SPATA31D4: variants seen among roughly 807,000 people sequenced by gnomAD.
SPATA31D4 encodes the protein SPATA31 subfamily D member 4, also known as spermatogenesis-associated protein 31D4.
For synonymous variants in SPATA31D4, 23 were observed against 102.8 expected (o/e 0.22, Z 4.70); for missense variants, 73 against 279.1 (o/e 0.26, Z 5.26).
Position 81,933,501 on chromosome 9 carries a change from C to T in SPATA31D4, c.*586C>T. On this transcript the variant is annotated 3_prime_UTR_variant, in exon 4 of 4. Coordinates refer to ENST00000419782, the MANE Select transcript of SPATA31D4 (RefSeq NM_001145197.1). ...GTCAGTCAGAAACAGACTGTACTTG[C>T]CAGTAGATGCAGTGCAGAGCTGCCC... is the stretch of plus-strand genomic sequence containing the variant. 4.2e-5 allele frequency: 3 copies of T among 71,582 alleles called. No individual in the cohort carries two copies. The highest frequency in any genetic ancestry group is 2.4e-5 in the Non-Finnish European group (1 of 41,910). 4.4% of individuals were successfully genotyped at this position (71,582 alleles called of 1,614,324 possible).
Position 81,932,797 on chromosome 9 carries a change from A to T in SPATA31D4, c.2636A>T (p.Glu879Val), listed in dbSNP as rs766403798. Residue 879 changes from glutamate to valine, a missense_variant, in exon 4 of 4, where the codon GAG (glutamate) becomes GTG (valine). Glu to Val is a moderately radical substitution (Grantham distance 121, BLOSUM62 -2). Transcript: ENST00000419782. ...KHRNLAALVSEDHGVDTSQEM... is the reference protein window; with the variant it reads ...KHRNLAALVSVDHGVDTSQEM... ...CGAAATTTGGCAGCATTGGTGAGTG[A>T]GGACCACGGCGTTGATACCTCCCAG... The T allele has an allele frequency of 1.3e-6, 2 of 1,533,366 alleles. No homozygotes were observed. The highest frequency in any genetic ancestry group is 2.3e-5 in the East Asian group (1 of 44,084). 95.0% of individuals were successfully genotyped at this position (1,533,366 alleles called of 1,614,324 possible).
At position 81,933,088 on chromosome 9, in the gene SPATA31D4, A is replaced by G. The variant is rs1328357500; in HGVS notation, c.*173A>G. 2.4e-5 allele frequency: 35 copies of G among 1,445,712 alleles called. 2 individuals carry two copies. The highest frequency in any genetic ancestry group is 3.3e-5 in the Non-Finnish European group (34 of 1,037,442). The allele number at this position is 1,445,712 out of a possible 1,614,324, so 89.6% of individuals were successfully genotyped here. ...AGTCTCATAGACGAAGCACTTTTCA[A>G]GGAGAAAAGTTGGGAACAACAAGCT... On this transcript the variant is annotated 3_prime_UTR_variant, in exon 4 of 4. Transcript: ENST00000419782.
Position 81,932,704 on chromosome 9 carries a change from A to T in SPATA31D4, c.2543A>T (p.His848Leu). ...GAGGGTCGAATGCCTGGGACTGTGC[A>T]TAGTTCATGGCACTCAGTCAAGCAG... ...INEGRMPGTV[H>L]SSWHSVKQTI... The change falls in exon 4 of 4, where the codon CAT (histidine) becomes CTT (leucine). Residue 848 changes from histidine (H) to leucine (L), a missense_variant. Transcript: ENST00000419782. The T allele has an allele frequency of 6.6e-7, 1 of 1,520,034 alleles. No individual in the cohort carries two copies. Among genetic ancestry groups the T allele is most frequent in the Non-Finnish European group, 9.0e-7 (1 of 1,110,934 alleles). The allele number at this position is 1,520,034 out of a possible 1,614,324, so 94.2% of individuals were successfully genotyped here.
Position 81,932,855 on chromosome 9 carries a change from G to T in SPATA31D4, c.2694G>T (p.Lys898Asn), listed in dbSNP as rs531529249. The change falls in exon 4 of 4, where the codon AAG (lysine) becomes AAT (asparagine). Residue 898 changes from lysine (K) to asparagine (N), a missense_variant. By Grantham distance (94) the Lys-to-Asn change is moderately conservative. Coordinates refer to ENST00000419782, the MANE Select transcript of SPATA31D4 (RefSeq NM_001145197.1). ...CCTTCCTTAGTTCCAACAAACAAAA[G>T]ATGTTGGAAGCCCATATTAAATCTT... is the stretch of plus-strand genomic sequence containing the variant. ...EMSFLSSNKQ[K>N]MLEAHIKSFH... The T allele has an allele frequency of 4.6e-6, 7 of 1,509,934 alleles. No homozygotes were observed. In the African/African-American group the frequency reaches 9.9e-5, roughly 21 times the overall value. The allele number at this position is 1,509,934 out of a possible 1,614,324, so 93.5% of individuals were successfully genotyped here. A position where few individuals can be genotyped will look rare whatever the true frequency, so the allele number is the denominator to read the frequency against.
In SPATA31D4 at chr9:81,932,856, A is replaced by T. The variant is rs549661658; in HGVS notation, c.2695A>T (p.Met899Leu). 1.8e-4 allele frequency: 268 copies of T among 1,510,386 alleles called. 26 individuals are homozygous for T. The East Asian group carries it at 6.2e-3, about 35-fold the overall frequency. The allele number at this position is 1,510,386 out of a possible 1,614,324, so 93.6% of individuals were successfully genotyped here. The change falls in exon 4 of 4, where the codon ATG becomes TTG. Residue 899 changes from methionine to leucine, a missense_variant. Transcript: ENST00000419782. The stretch of plus-strand genomic sequence containing the variant: ...CTTCCTTAGTTCCAACAAACAAAAG[A>T]TGTTGGAAGCCCATATTAAATCTTT... ...MSFLSSNKQK[M>L]LEAHIKSFHM...
rs1221753534 is a variant in SPATA31D4 at position 81,933,370 on chromosome 9, CA to C, written c.*456del. ...TTGATCAAGAAAAGCAGGGGACCCT[CA>C]GAAGAGAATTCGCTGATACTGACGA... On this transcript the variant is annotated 3_prime_UTR_variant, in exon 4 of 4. Coordinates refer to ENST00000419782, the MANE Select transcript of SPATA31D4 (RefSeq NM_001145197.1). The C allele has an allele frequency of 5.8e-6, 1 of 171,124 alleles. No individual in the cohort carries two copies. Among genetic ancestry groups the C allele is most frequent in the African/African-American group, 4.6e-5 (1 of 21,870 alleles). The allele number at this position is 171,124 out of a possible 1,614,324, so 10.6% of individuals were successfully genotyped here.
chr9:81,934,814 C>CT lies in SPATA31D4; in HGVS notation c.*1899_*1900insT. On this transcript the variant is annotated 3_prime_UTR_variant, in exon 4 of 4. Coordinates refer to ENST00000419782, the MANE Select transcript of SPATA31D4 (RefSeq NM_001145197.1). ...GCCACATCTAAACCCCACTTGTCAG[C>CT]GTCAAGTCACCCTGGTGTGTCCAGC... 2.0e-6 allele frequency: 1 copy of CT among 507,744 alleles called. No individual in the cohort carries two copies. The highest frequency in any genetic ancestry group is 3.6e-6 in the Non-Finnish European group (1 of 274,986). The allele number at this position is 507,744 out of a possible 1,614,324, so 31.5% of individuals were successfully genotyped here. A position where few individuals can be genotyped will look rare whatever the true frequency, so the allele number is the denominator to read the frequency against.
In SPATA31D4 at chr9:81,934,060, C is replaced by T. The variant is rs1823818046; in HGVS notation, c.*1145C>T. On this transcript the variant is annotated 3_prime_UTR_variant, in exon 4 of 4. Coordinates refer to ENST00000419782, the MANE Select transcript of SPATA31D4 (RefSeq NM_001145197.1). ...TCCCTACGCATGTCTTACAGAAATG[C>T]CAAGTTAAGAATTTTTCACCAGCTA... is the stretch of plus-strand genomic sequence containing the variant. 5 of 360,730 alleles carry T rather than the reference C, an allele frequency of 1.4e-5. 2 individuals are homozygous for T. The allele number at this position is 360,730 out of a possible 1,614,324, so 22.3% of individuals were successfully genotyped here. A position where few individuals can be genotyped will look rare whatever the true frequency, so the allele number is the denominator to read the frequency against.
rs1452359590 is a variant in SPATA31D4, at chr9:81,933,110, A to G, written c.*195A>G. On this transcript the variant is annotated 3_prime_UTR_variant, in exon 4 of 4. Transcript: ENST00000419782. The stretch of plus-strand genomic sequence containing the variant: ...TCAAGGAGAAAAGTTGGGAACAACA[A>G]GCTCAGTCCCTGTCCTTAATCATCC... 1.1e-5 allele frequency: 14 copies of G among 1,230,232 alleles called. No homozygotes were observed. The highest frequency in any genetic ancestry group is 1.7e-5 in the Non-Finnish European group (14 of 848,360). 76.2% of individuals were successfully genotyped at this position (1,230,232 alleles called of 1,614,324 possible).
Position 81,932,951 on chromosome 9 carries a change from C to T in SPATA31D4, c.*36C>T, listed in dbSNP as rs745786816. The T allele has an allele frequency of 1.1e-5, 16 of 1,513,828 alleles. 3 individuals carry two copies. The highest frequency in any genetic ancestry group is 4.6e-5 in the East Asian group (2 of 43,702). 93.8% of individuals were successfully genotyped at this position (1,513,828 alleles called of 1,614,324 possible). A position where few individuals can be genotyped will look rare whatever the true frequency, so the allele number is the denominator to read the frequency against. On this transcript the variant is annotated 3_prime_UTR_variant, in exon 4 of 4. Coordinates refer to ENST00000419782, the MANE Select transcript of SPATA31D4 (RefSeq NM_001145197.1). Reference sequence around the variant, plus strand: ...GGGCCTTCCCCGCAAGATCCGTGAACCCATAGAAATCTTCAAATCAGAAGA... The same window carrying T: ...GGGCCTTCCCCGCAAGATCCGTGAATCCATAGAAATCTTCAAATCAGAAGA...
At position 81,933,097 on chromosome 9, in the gene SPATA31D4, G is replaced by T. The variant is rs1259907524; in HGVS notation, c.*182G>T. 2.2e-5 allele frequency: 30 copies of T among 1,389,378 alleles called. 3 individuals carry two copies. Among genetic ancestry groups the T allele is most frequent in the Non-Finnish European group, 2.9e-5 (29 of 987,950 alleles). The allele number at this position is 1,389,378 out of a possible 1,614,324, so 86.1% of individuals were successfully genotyped here. ...GACGAAGCACTTTTCAAGGAGAAAA[G>T]TTGGGAACAACAAGCTCAGTCCCTG... On this transcript the variant is annotated 3_prime_UTR_variant, in exon 4 of 4. Coordinates refer to ENST00000419782, the MANE Select transcript of SPATA31D4 (RefSeq NM_001145197.1).
chr9:81,933,183 G>A lies in SPATA31D4; in HGVS notation c.*268G>A. On this transcript the variant is annotated 3_prime_UTR_variant, in exon 4 of 4. Coordinates refer to ENST00000419782, the MANE Select transcript of SPATA31D4 (RefSeq NM_001145197.1). ...GGCAAAGAAGGGCAGGGGACCCTGA[G>A]AAGACAATTTTCTGATACTGACCAT... 2 of 640,666 alleles carry A rather than the reference G, an allele frequency of 3.1e-6. No homozygotes were observed. Among genetic ancestry groups the A allele is most frequent in the South Asian group, 3.9e-5 (2 of 51,654 alleles). The allele number at this position is 640,666 out of a possible 1,614,324, so 39.7% of individuals were successfully genotyped here. A position where few individuals can be genotyped will look rare whatever the true frequency, so the allele number is the denominator to read the frequency against.
At position 81,933,077 on chromosome 9, in the gene SPATA31D4, A is replaced by G. The variant is rs1419086303; in HGVS notation, c.*162A>G. 3.4e-6 allele frequency: 5 copies of G among 1,491,332 alleles called. No homozygotes were observed. The highest frequency in any genetic ancestry group is 4.5e-5 in the East Asian group (2 of 44,046). 92.4% of individuals were successfully genotyped at this position (1,491,332 alleles called of 1,614,324 possible). The stretch of plus-strand genomic sequence containing the variant: ...TGGGGTCTCTAAGTCTCATAGACGA[A>G]GCACTTTTCAAGGAGAAAAGTTGGG... On this transcript the variant is annotated 3_prime_UTR_variant, in exon 4 of 4. Transcript: ENST00000419782.
In SPATA31D4 at chr9:81,934,077, C is replaced by T; in HGVS notation, c.*1162C>T. On this transcript the variant is annotated 3_prime_UTR_variant, in exon 4 of 4. Transcript: ENST00000419782. Reference sequence around the variant, plus strand: ...CAGAAATGCCAAGTTAAGAATTTTTCACCAGCTACAAAGAGAGTGAGCCCT... The same window carrying T: ...CAGAAATGCCAAGTTAAGAATTTTTTACCAGCTACAAAGAGAGTGAGCCCT... 1 of 385,942 alleles carries T rather than the reference C, an allele frequency of 2.6e-6. No individual in the cohort carries two copies. Among genetic ancestry groups the T allele is most frequent in the South Asian group, 3.0e-5 (1 of 33,834 alleles). The allele number at this position is 385,942 out of a possible 1,614,324, so 23.9% of individuals were successfully genotyped here.
At position 81,933,141 on chromosome 9, in the gene SPATA31D4, C is replaced by T; in HGVS notation, c.*226C>T. 1.3e-6 allele frequency: 1 copy of T among 761,770 alleles called. No homozygotes were observed. The highest frequency in any genetic ancestry group is 2.2e-6 in the Non-Finnish European group (1 of 458,420). The allele number at this position is 761,770 out of a possible 1,614,324, so 47.2% of individuals were successfully genotyped here. A position where few individuals can be genotyped will look rare whatever the true frequency, so the allele number is the denominator to read the frequency against. On this transcript the variant is annotated 3_prime_UTR_variant, in exon 4 of 4. Coordinates refer to ENST00000419782, the MANE Select transcript of SPATA31D4 (RefSeq NM_001145197.1). ...GTCCCTGTCCTTAATCATCCTCAGC[C>T]TGTCTCCTCACCTATTGGCAAAGAA... is the stretch of plus-strand genomic sequence containing the variant.
Position 81,930,556 on chromosome 9 carries a change from G to A in SPATA31D4, c.395G>A (p.Arg132Lys). 8.7e-5 allele frequency: 1 copy of A among 11,452 alleles called. No individual in the cohort carries two copies. Among genetic ancestry groups the A allele is most frequent in the Non-Finnish European group, 1.2e-4 (1 of 8,092 alleles). The allele number at this position is 11,452 out of a possible 1,614,324, so 0.7% of individuals were successfully genotyped here. A position where few individuals can be genotyped will look rare whatever the true frequency, so the allele number is the denominator to read the frequency against. The change falls in exon 4 of 4, where the codon AGA (arginine) becomes AAA (lysine). Residue 132 changes from arginine to lysine, a missense_variant. Physicochemically the swap from Arg to Lys is conservative, Grantham distance 26. Transcript: ENST00000419782. Reference protein sequence around the residue: ...CPDPVCRVCNRATADIQRLLS... With the variant: ...CPDPVCRVCNKATADIQRLLS... ...GACCCTGTCTGTCGGGTGTGTAACA[G>A]AGCAACTGCTGATATCCAGCGACTG... is the stretch of plus-strand genomic sequence containing the variant.
In SPATA31D4 at chr9:81,933,140, C is replaced by G. The variant is rs1247337303; in HGVS notation, c.*225C>G. 1.3e-6 allele frequency: 1 copy of G among 761,396 alleles called. No homozygotes were observed. The highest frequency in any genetic ancestry group is 1.7e-5 in the African/African-American group (1 of 57,600). 47.2% of individuals were successfully genotyped at this position (761,396 alleles called of 1,614,324 possible). The stretch of plus-strand genomic sequence containing the variant: ...AGTCCCTGTCCTTAATCATCCTCAG[C>G]CTGTCTCCTCACCTATTGGCAAAGA... On this transcript the variant is annotated 3_prime_UTR_variant, in exon 4 of 4. Transcript: ENST00000419782.
chr9:81,932,529 T>G lies in SPATA31D4; in HGVS notation c.2368T>G (p.Ser790Ala), dbSNP rs755802663. The change falls in exon 4 of 4, where the codon TCA becomes GCA. Residue 790 changes from serine to alanine, a missense_variant. By Grantham distance (99) the Ser-to-Ala change is moderately conservative (BLOSUM62 1). Coordinates refer to ENST00000419782, the MANE Select transcript of SPATA31D4 (RefSeq NM_001145197.1). ...TCTCTTGCATGATCCGGAGACATCT[T>G]CAGACGAGGATCTGAGGTCTAACTC... The part of the protein sequence containing the change: ...NHLLHDPETS[S>A]DEDLRSNSER... The G allele has an allele frequency of 6.0e-6, 9 of 1,488,354 alleles. 2 individuals carry two copies. The South Asian group carries it at 1.0e-4, about 17-fold the overall frequency. 92.2% of individuals were successfully genotyped at this position (1,488,354 alleles called of 1,614,324 possible). A position where few individuals can be genotyped will look rare whatever the true frequency, so the allele number is the denominator to read the frequency against.
chr9:81,934,824 C>T lies in SPATA31D4; in HGVS notation c.*1909C>T. Reference sequence around the variant, plus strand: ...AACCCCACTTGTCAGCGTCAAGTCACCCTGGTGTGTCCAGCTGTCCCAATT... The same window carrying T: ...AACCCCACTTGTCAGCGTCAAGTCATCCTGGTGTGTCCAGCTGTCCCAATT... On this transcript the variant is annotated 3_prime_UTR_variant, in exon 4 of 4. Transcript: ENST00000419782. 2.2e-6 allele frequency: 1 copy of T among 461,350 alleles called. No individual in the cohort carries two copies. The highest frequency in any genetic ancestry group is 4.1e-6 in the Non-Finnish European group (1 of 242,194). The allele number at this position is 461,350 out of a possible 1,614,324, so 28.6% of individuals were successfully genotyped here. A position where few individuals can be genotyped will look rare whatever the true frequency, so the allele number is the denominator to read the frequency against.
Sources: allele counts gnomAD v4.1 joint callset, GRCh38; gene constraint gnomAD v4.1.1; transcripts MANE v1.5; gene names NCBI Gene and HGNC (gene_info 2026-07-23, HGNC 2026-07-21).